ARHGAP39: variants seen among roughly 807,000 people sequenced by gnomAD.
ARHGAP39 encodes the protein Rho GTPase activating protein 39.
ARHGAP39 carries 44 observed loss-of-function variants against 106.9 expected under a neutral mutation model. That is an observed-to-expected ratio of 0.41 (90% CI 0.32 to 0.53). The LOEUF (loss-of-function observed/expected upper bound fraction) is 0.53, where lower values mean the gene tolerates loss of function less well. ARHGAP39 is among the 20% of genes least tolerant of loss of function. The probability of loss-of-function intolerance (pLI) is 0.21; values close to 1 mark genes in which losing one functional copy is unlikely to be tolerated. For missense variants in ARHGAP39, 1,496 were observed against 1,577.3 expected (o/e 0.95, Z 0.87); for synonymous variants, 768 against 693.2 (o/e 1.11, Z -1.69).
chr8:144,547,847 G>C lies in ARHGAP39; in HGVS notation c.1239C>G (p.Gly413=). The C allele has an allele frequency of 1.9e-6, 3 of 1,587,526 alleles. No homozygotes were observed. In the South Asian group the frequency reaches 3.4e-5, roughly 18 times the overall value. The part of the protein sequence containing the change: ...QAGSSPKLRA[G]PRHKYAPNPG... ...GGTTGGGCGCGTACTTGTGCCGCGG[G>C]CCGGCGCGCAGCTTGGGGCTGGAGC... Residue 413 remains glycine, a synonymous_variant, in exon 5 of 12, where the codon GGC becomes GGG. Coordinates refer to ENST00000377307, the MANE Select transcript of ARHGAP39 (RefSeq NM_025251.3). The surrounding 1 kb of genome is among the most constrained non-coding windows in gnomAD (Gnocchi z 5.2).
intron 1 of ARHGAP39, among the ~76,000 whole-genome samples, chr8:144,617,736 A>G (rs1820676321): frequency 6.6e-6 from 1 of 152,004 alleles, no homozygotes; most frequent in Non-Finnish European, 1.5e-5. Context: ...GTATAGTTTT[A>G]TGTTTTGCTT....
intron 2 of ARHGAP39, among the ~76,000 whole-genome samples, chr8:144,598,843 C>T (rs899356229): frequency 6.6e-6 from 1 of 152,150 alleles, no homozygotes; most frequent in Non-Finnish European, 1.5e-5. Context: ...CAGATTTTGG[C>T]TTTTCAGACA....
chr8:144,629,397 G>A (rs1036587148), intron 1 of ARHGAP39, among the ~76,000 whole-genome samples: 4 of 152,022 alleles, frequency 2.6e-5, no homozygotes, highest in Admixed American at 2.6e-4. Flanking sequence ...GGGCTGAGGC[G>A]GAGCACGGCT....
intron 1 of ARHGAP39, among the ~76,000 whole-genome samples, chr8:144,635,219 C>T (rs774657858): frequency 9.9e-5 from 15 of 152,130 alleles, no homozygotes; most frequent in South Asian, 6.2e-4. Context: ...GACCAACGCA[C>T]GATTAGAGGG....
intron 2 of ARHGAP39, among the ~76,000 whole-genome samples, chr8:144,598,293 C>T (rs1440817724): frequency 6.6e-6 from 1 of 152,214 alleles, no homozygotes; most frequent in Admixed American, 6.5e-5. Flanking sequence ...ACTCGGAACC[C>T]AGCCGTGGGC....
At chr8:144,555,683 C>G (rs756070801) in intron 3 of ARHGAP39, 40 bp from the exon 4 acceptor site, 6 of 1,556,306 alleles carry the variant, frequency 3.9e-6, no homozygotes, top group Admixed American at 1.7e-5. Flanking sequence ...AATATAAGTG[C>G]AATCGTTTAC....
chr8:144,628,965 G>T (rs1040604065), intron 1 of ARHGAP39, among the ~76,000 whole-genome samples: 1 of 152,176 alleles, frequency 6.6e-6, no homozygotes, highest in Admixed American at 6.5e-5. Flanking sequence ...TGCGATTCTT[G>T]TGATGGCGGA....
chr8:144,621,482 C>G (rs1293327455), intron 1 of ARHGAP39, among the ~76,000 whole-genome samples: 2 of 152,172 alleles, frequency 1.3e-5, no homozygotes, highest in African/African-American at 4.8e-5. Flanking sequence ...GGTTCTGAGG[C>G]AAGAGGCGGG....
At position 144,685,832 on chromosome 8, in the gene ARHGAP39, G is replaced by A. The variant is rs1023075003; in HGVS notation, c.-228C>T. Among the ~76,000 whole-genome samples, 1 of 147,920 alleles carries A rather than the reference G, an allele frequency of 6.8e-6. No individual in the cohort carries two copies. Among genetic ancestry groups the A allele is most frequent in the African/African-American group, 2.4e-5 (1 of 40,952 alleles). The stretch of plus-strand genomic sequence containing the variant: ...GCTGTCGGCGTCCTCCGCCGCCGCC[G>A]CCGGCCCAGTGCGCGGCGGCCGCGC... On this transcript the variant is annotated 5_prime_UTR_variant, in exon 1 of 12. Transcript: ENST00000377307.
intron 3 of ARHGAP39, among the ~76,000 whole-genome samples, chr8:144,558,106 A>G (rs1818013589): frequency 6.6e-6 from 1 of 152,244 alleles, no homozygotes; most frequent in African/African-American, 2.4e-5. Context: ...TAACAACAAA[A>G]TACTAGGCAC....
chr8:144,592,184 G>A (rs1290985929), intron 2 of ARHGAP39, among the ~76,000 whole-genome samples: 1 of 152,192 alleles, frequency 6.6e-6, no homozygotes, highest in African/African-American at 2.4e-5. Flanking sequence ...ACTCCTGCGC[G>A]CGTGTGGGCA....
rs566748178 is a variant in ARHGAP39, at chr8:144,582,591, G to A, written c.81-1314C>T. ...GCTCCTCTGTGTTTGGATGCCACAG[G>A]CAGAAGGCACCGAGGGACAGTCCAC... On this transcript the variant is annotated intron_variant, in intron 2 of 11. Coordinates refer to ENST00000377307, the MANE Select transcript of ARHGAP39 (RefSeq NM_025251.3). Among the ~76,000 whole-genome samples, 3 of 152,376 alleles carry A rather than the reference G, an allele frequency of 2.0e-5. No individual in the cohort carries two copies. The East Asian group carries it at 5.8e-4, about 29-fold the overall frequency.
the ARHGAP39 span, among the ~76,000 whole-genome samples, chr8:144,691,932 T>C: frequency 6.6e-6 from 1 of 152,040 alleles, no homozygotes; most frequent in Admixed American, 6.6e-5. Flanking sequence ...GTTTCTTCTG[T>C]AGTTTGCTGT....
intron 1 of ARHGAP39, among the ~76,000 whole-genome samples, chr8:144,606,990 T>C (rs1479060772): frequency 2.2e-5 from 3 of 138,464 alleles, no homozygotes; most frequent in African/African-American, 8.1e-5. Flanking sequence ...ATCAAGAAAC[T>C]ATTAAGCAAA....
chr8:144,667,252 C>A (rs1470823514), intron 1 of ARHGAP39, among the ~76,000 whole-genome samples: 1 of 152,212 alleles, frequency 6.6e-6, no homozygotes, highest in East Asian at 1.9e-4. Flanking sequence ...CCCTCCAGCA[C>A]TGCAGGCTCA....
rs151289455 is a variant in ARHGAP39, at chr8:144,560,292, G to A, written c.513-4649C>T. 6.8e-3 allele frequency among the ~76,000 whole-genome samples: 1,031 copies of A among 152,264 alleles called. 13 individuals carry two copies. The highest frequency in any genetic ancestry group is 0.023 in the African/African-American group (963 of 41,544). On this transcript the variant is annotated intron_variant, in intron 3 of 11. Transcript: ENST00000377307. ...TCTACTAAAAATACAATAAGTAGCC[G>A]GGTGTGGTGGCGCGTGCCTATAATC...
chr8:144,696,020 G>C, the ARHGAP39 span, among the ~76,000 whole-genome samples: 1 of 152,184 alleles, frequency 6.6e-6, no homozygotes, highest in Non-Finnish European at 1.5e-5. Flanking sequence ...GTGATTAAAG[G>C]AAAGAGGGAG....
intron 1 of ARHGAP39, among the ~76,000 whole-genome samples, chr8:144,639,147 T>C (rs1466490240): frequency 2.0e-5 from 3 of 151,982 alleles, no homozygotes; most frequent in South Asian, 2.1e-4. Flanking sequence ...ACCAACATGG[T>C]GAAACTCCAC....
At chr8:144,697,276 G>A in the ARHGAP39 span, among the ~76,000 whole-genome samples, 2 of 146,840 alleles carry the variant, frequency 1.4e-5, no homozygotes, top group Admixed American at 1.4e-4. Context: ...GTTGCAGTAA[G>A]CTGACATCGT....
Sources: gnomAD v4.1 joint callset for allele counts (sites outside exome capture counted in the v4.1 genomes callset) on GRCh38, gnomAD v4.1.1 for gene constraint, Gnocchi (gnomAD v3.1) non-coding constraint, MANE v1.5 for transcripts, NCBI Gene and HGNC (gene_info 2026-07-23, HGNC 2026-07-21) for gene names.